Variants in PSMD7 observed in about 807,000 individuals in gnomAD.
PSMD7 encodes the protein proteasome 26S subunit, non-ATPase 7.
A neutral mutation model predicts 36.4 loss-of-function variants in PSMD7; 13 were observed. That is an observed-to-expected ratio of 0.36 (90% confidence interval 0.23 to 0.57). The LOEUF is 0.57. Ranked by LOEUF, PSMD7 falls within the 20% of genes least tolerant of loss-of-function variation. The pLI, the probability that PSMD7 is intolerant of heterozygous loss-of-function variation, is 0.83. For missense variants in PSMD7, 298 were observed against 393.6 expected (o/e 0.76, Z 2.06); for synonymous variants, 186 against 151.0 (o/e 1.23, Z -1.70).
intron 4 of PSMD7, among the ~76,000 whole-genome samples, 180 bp downstream of exon 4, chr16:74,301,832 T>C (rs927588733): frequency 2.6e-5 from 4 of 152,314 alleles, no homozygotes; most frequent in African/African-American, 9.6e-5. Context: ...TAAATAATAG[T>C]TTATACCTGC....
intron 1 of PSMD7, among the ~76,000 whole-genome samples, chr16:74,299,085 T>C (rs2034136388): frequency 7.3e-6 from 1 of 137,724 alleles, no homozygotes; most frequent in Non-Finnish European, 1.5e-5. Context: ...ACCCCAAACC[T>C]AGTAACCATT....
At position 74,305,827 on chromosome 16, in the gene PSMD7, T is replaced by TATTA; in HGVS notation, c.*95_*98dup. ...AGGGTTCTTTTTCACTTGACATGCT[T>TATTA]ATTAGAAAGCTGACCCAACAAGAGC... is the stretch of plus-strand genomic sequence containing the variant. On this transcript the variant is annotated 3_prime_UTR_variant, in exon 7 of 7. Coordinates refer to ENST00000219313, the MANE Select transcript of PSMD7 (RefSeq NM_002811.5). 2 of 1,344,062 alleles carry TATTA rather than the reference T, an allele frequency of 1.5e-6. No homozygotes were observed. The highest frequency in any genetic ancestry group is 3.4e-5 in the Admixed American group (1 of 29,600). 83.3% of individuals were successfully genotyped at this position (1,344,062 alleles called of 1,614,324 possible). A position where few individuals can be genotyped will look rare whatever the true frequency, so the allele number is the denominator to read the frequency against.
At chr16:74,301,442 C>T in intron 3 of PSMD7, 113 bp from the exon 4 acceptor site, 1 of 769,400 alleles carries the variant, frequency 1.3e-6, no homozygotes, top group Non-Finnish European at 2.1e-6. Flanking sequence ...GTAAATATGT[C>T]TGGAATTTTC....
chr16:74,304,018 G>C (rs538907279), intron 5 of PSMD7: 1 of 284,476 alleles, frequency 3.5e-6, no homozygotes, highest in East Asian at 7.8e-5. Flanking sequence ...GAATCAACCT[G>C]AGACCTCCCT....
Position 74,305,646 on chromosome 16 carries a change from C to CA in PSMD7, c.893dup (p.Asp299GlyfsTer2). On this transcript the variant is annotated frameshift_variant, in exon 7 of 7. Coordinates refer to ENST00000219313, the MANE Select transcript of PSMD7 (RefSeq NM_002811.5). LOFTEE classifies it high-confidence loss of function. ...AAGAAGGGCAGGAGAAAGAAGAGAG[C>CA]AAAAAGGATAGGAAAGAGGACAAGG... is the stretch of plus-strand genomic sequence containing the variant. 6.5e-7 allele frequency: 1 copy of CA among 1,550,380 alleles called. No individual in the cohort carries two copies. Among genetic ancestry groups the CA allele is most frequent in the Non-Finnish European group, 8.7e-7 (1 of 1,144,960 alleles).
At chr16:74,301,174 C>T in intron 3 of PSMD7, 30 bp downstream of exon 3, 1 of 1,489,990 alleles carries the variant, frequency 6.7e-7, no homozygotes, top group Admixed American at 1.7e-5. Flanking sequence ...GGTGTTACAG[C>T]ATAGAATTGA....
chr16:74,300,106 C>A lies in PSMD7; in HGVS notation c.75-9C>A, dbSNP rs752495063. 6.2e-7 allele frequency: 1 copy of A among 1,613,558 alleles called. No homozygotes were observed. The highest frequency in any genetic ancestry group is 1.7e-5 in the Admixed American group (1 of 60,000). On this transcript the variant is annotated splice_polypyrimidine_tract_variant and intron_variant, in intron 1 of 6. Coordinates refer to ENST00000219313, the MANE Select transcript of PSMD7 (RefSeq NM_002811.5). ...CCTATCCACACTGACCATCTGTTTT[C>A]TCATTCAGAATCGGCAAGGTTGGAA...
rs781019789 is a variant in PSMD7 at position 74,304,338 on chromosome 16, G to C, written c.474G>C (p.Val158=). 1.2e-6 allele frequency: 2 copies of C among 1,614,124 alleles called. No homozygotes were observed. The highest frequency in any genetic ancestry group is 1.1e-5 in the South Asian group (1 of 91,046). The part of the protein sequence containing the change: ...GTPTSKTFEH[V]TSEIGAEEAE... ...CAACCTCGAAAACATTTGAACACGT[G>C]ACCAGTGAAATTGGAGCAGAGGAAG... The change falls in exon 6 of 7, where the codon GTG becomes GTC. Residue 158 remains valine (V), a synonymous_variant. Coordinates refer to ENST00000219313, the MANE Select transcript of PSMD7 (RefSeq NM_002811.5).
chr16:74,298,724 A>C lies in PSMD7; in HGVS notation c.75-1391A>C, dbSNP rs139037342. Among the ~76,000 whole-genome samples the C allele has an allele frequency of 5.3e-3, 807 of 152,166 alleles. 2 individuals are homozygous for C. Among genetic ancestry groups the C allele is most frequent in the Non-Finnish European group, 8.8e-3 (601 of 67,992 alleles). On this transcript the variant is annotated intron_variant, in intron 1 of 6. Coordinates refer to ENST00000219313, the MANE Select transcript of PSMD7 (RefSeq NM_002811.5). ...CCAAAAAAAAAACAAAAAAACAAAA[A>C]TTAGCCAGGTGTGGTGGTGTGTGCC...
At chr16:74,297,465 T>G (rs1013797182) in intron 1 of PSMD7, among the ~76,000 whole-genome samples, 7 of 152,010 alleles carry the variant, frequency 4.6e-5, no homozygotes, top group South Asian at 4.2e-4. Flanking sequence ...CGTATCTTCA[T>G]TTGACTCAGT....
chr16:74,300,257 C>A (rs1332400459), intron 2 of PSMD7, 51 bp downstream of exon 2: 28 of 1,507,684 alleles, frequency 1.9e-5, no homozygotes, highest in Non-Finnish European at 2.4e-5. Flanking sequence ...TGTCAGTTTA[C>A]CCTTTAAAAA....
In PSMD7 at chr16:74,304,419, A is replaced by ATCAT. The variant is rs757447463; in HGVS notation, c.530+29_530+32dup. On this transcript the variant is annotated intron_variant, in intron 6 of 6. Coordinates refer to ENST00000219313, the MANE Select transcript of PSMD7 (RefSeq NM_002811.5). ...GGTGAGACCCTAGTACAGCATCAAA[A>ATCAT]TCATTCACTGCCCGAGAGGTCACAC... The ATCAT allele has an allele frequency of 1.5e-5, 24 of 1,588,836 alleles. No homozygotes were observed. In the African/African-American group the frequency reaches 1.7e-4, roughly 12 times the overall value.
chr16:74,301,018 A>C (rs369328599), intron 2 of PSMD7, 34 bp from the exon 3 acceptor site: 1 of 1,369,154 alleles, frequency 7.3e-7, no homozygotes, highest in African/African-American at 1.4e-5. Context: ...GTTTCTATCA[A>C]GCACCCTAAA....
At position 74,305,664 on chromosome 16, in the gene PSMD7, G is replaced by C; in HGVS notation, c.906G>C (p.Glu302Asp). The C allele has an allele frequency of 6.5e-7, 1 of 1,527,176 alleles. No homozygotes were observed. The highest frequency in any genetic ancestry group is 8.8e-7 in the Non-Finnish European group (1 of 1,135,160). 94.6% of individuals were successfully genotyped at this position (1,527,176 alleles called of 1,614,324 possible). A position where few individuals can be genotyped will look rare whatever the true frequency, so the allele number is the denominator to read the frequency against. ...EKEESKKDRK[E>D]DKEKDKDKEK... is the part of the protein sequence containing the mutation. Reference sequence around the variant, plus strand: ...AAGAGAGCAAAAAGGATAGGAAAGAGGACAAGGAGAAAGATAAAGATAAGG... The same window carrying C: ...AAGAGAGCAAAAAGGATAGGAAAGACGACAAGGAGAAAGATAAAGATAAGG... Residue 302 changes from glutamate to aspartate, a missense_variant, in exon 7 of 7, where the codon GAG becomes GAC. Glu to Asp is a conservative substitution (Grantham distance 45). Transcript: ENST00000219313.
chr16:74,302,117 C>A (rs946964887), intron 4 of PSMD7, 95 bp from the exon 5 acceptor site: 15 of 991,444 alleles, frequency 1.5e-5, no homozygotes, highest in African/African-American at 3.3e-5. Context: ...TAATTGATTA[C>A]AAGAAATAGC....
At chr16:74,300,282 A>T (rs2034145754) in intron 2 of PSMD7, 76 bp downstream of exon 2, 1 of 1,288,434 alleles carries the variant, frequency 7.8e-7, no homozygotes, top group African/African-American at 1.5e-5. Context: ...AACCTTTGTT[A>T]CCGCTTTTGA....
Position 74,296,905 on chromosome 16 carries a change from G to A in PSMD7, c.-10G>A. ...CAGGGAGCCAGGCCTGGCGAGCGGG[G>A]TGTGTCGCGATGCCGGAGCTGGCAG... On this transcript the variant is annotated 5_prime_UTR_variant, in exon 1 of 7. The change creates a new upstream start codon in the 5' untranslated region. Coordinates refer to ENST00000219313, the MANE Select transcript of PSMD7 (RefSeq NM_002811.5). 6.2e-7 allele frequency: 1 copy of A among 1,613,058 alleles called. No homozygotes were observed. The highest frequency in any genetic ancestry group is 8.5e-7 in the Non-Finnish European group (1 of 1,179,740).
chr16:74,305,188 C>T (rs1166682684), intron 6 of PSMD7, 101 bp from the exon 7 acceptor site: 4 of 1,383,386 alleles, frequency 2.9e-6, no homozygotes, highest in East Asian at 2.4e-5. Flanking sequence ...AAACTTGCCT[C>T]ACCCAACAAA....
At chr16:74,304,480 ACCTGGGGTCT>A (rs1459070710) in intron 6 of PSMD7, 86 bp downstream of exon 6, 11 of 1,238,092 alleles carry the variant, frequency 8.9e-6, no homozygotes, top group Non-Finnish European at 1.3e-5. Context: ...GAATATGGAG[ACCTGGGGTCT>A]CGTCCTGGCC....
Sources: gnomAD v4.1 joint callset for allele counts (sites outside exome capture counted in the v4.1 genomes callset) on GRCh38, gnomAD v4.1.1 for gene constraint, MANE v1.5 for transcripts, NCBI Gene and HGNC (gene_info 2026-07-23, HGNC 2026-07-21) for gene names.